The following ADGRL2 variants were observed in gnomAD, a reference collection of about 807,000 sequenced individuals.
The protein encoded by ADGRL2 is calcium-independent alpha-latrotoxin receptor 2.
Under a neutral mutation model 157.4 loss-of-function variants are expected in ADGRL2, and 44 were observed. The ratio of observed to expected loss-of-function variants is 0.28; its 90% CI spans 0.22 to 0.36. The LOEUF is 0.36. Ranked by LOEUF, ADGRL2 falls within the 10% of genes least tolerant of loss-of-function variation. The pLI is 1.00. For missense variants in ADGRL2, 1,510 were observed against 1,768.9 expected (o/e 0.85, Z 2.63); for synonymous variants, 585 against 624.7 (o/e 0.94, Z 0.95).
upstream of ADGRL2, among the ~76,000 whole-genome samples, chr1:81,799,322 A>G (rs532499302): frequency 8.5e-5 from 13 of 152,350 alleles, no homozygotes; most frequent in South Asian, 2.5e-3. Flanking sequence ...TAAAGCACCA[A>G]TGCTCTAAGT....
intron 2 of ADGRL2, among the ~76,000 whole-genome samples, chr1:81,446,351 G>GC (rs1425138931): frequency 6.6e-6 from 1 of 152,116 alleles, no homozygotes; most frequent in Non-Finnish European, 1.5e-5. Flanking sequence ...AAAACAAAAA[G>GC]CCTTTCAGGG....
intron 1 of ADGRL2, among the ~76,000 whole-genome samples, chr1:81,346,410 C>T (rs1013441752): frequency 6.6e-6 from 1 of 152,086 alleles, no homozygotes; most frequent in Middle Eastern, 3.2e-3. Flanking sequence ...TCAGTATAGT[C>T]CACATCCCAA....
chr1:81,969,943 C>T (rs1380104166), intron 15 of ADGRL2, among the ~76,000 whole-genome samples: 2 of 152,078 alleles, frequency 1.3e-5, no homozygotes, highest in Admixed American at 1.3e-4. Context: ...TTGCAAACAA[C>T]ACTTTTAAAG....
At chr1:81,721,403 ACAACCGAC>A (rs1242794107) in intron 1 of ADGRL2, among the ~76,000 whole-genome samples, 7 of 152,104 alleles carry the variant, frequency 4.6e-5, no homozygotes, top group Admixed American at 4.6e-4. Context: ...ATATATCCAA[ACAACCGAC>A]CCAAATTGAT....
intron 1 of ADGRL2, among the ~76,000 whole-genome samples, chr1:81,315,044 T>C (rs1471201867): frequency 2.0e-5 from 3 of 152,218 alleles, no homozygotes; most frequent in Non-Finnish European, 4.4e-5. Context: ...TCAGCCTTAA[T>C]ATAAATGTCT....
chr1:81,552,626 A>G (rs1021889248), intron 2 of ADGRL2, among the ~76,000 whole-genome samples: 3 of 131,188 alleles, frequency 2.3e-5, no homozygotes, highest in African/African-American at 8.6e-5. Flanking sequence ...AAAAAAAAAC[A>G]GAAAAGAAAG....
At chr1:81,413,812 GTATAT>G (rs573655021) in intron 1 of ADGRL2, among the ~76,000 whole-genome samples, 29 of 152,206 alleles carry the variant, frequency 1.9e-4, no homozygotes, top group Non-Finnish European at 3.5e-4. Context: ...ATCTATCTCT[GTATAT>G]ACACACATAC....
chr1:81,636,162 G>A (rs149648439), intron 3 of ADGRL2, among the ~76,000 whole-genome samples: 117 of 152,156 alleles, frequency 7.7e-4, no homozygotes, highest in Admixed American at 2.0e-4. Context: ...CTGGCTGCTC[G>A]GTGTTACATC....
intron 3 of ADGRL2, chr1:81,596,375 C>A: frequency 2.0e-6 from 1 of 506,378 alleles, no homozygotes. Context: ...GATTCTTTTC[C>A]TTTCCTCCTC....
chr1:81,849,492 A>G (rs2092921741), intron 2 of ADGRL2, among the ~76,000 whole-genome samples: 2 of 151,916 alleles, frequency 1.3e-5, no homozygotes, highest in South Asian at 4.1e-4. Flanking sequence ...AGGGATTTGT[A>G]GCTAAGGCAA....
chr1:81,542,670 T>C (rs1386095462), intron 2 of ADGRL2, among the ~76,000 whole-genome samples: 1 of 152,180 alleles, frequency 6.6e-6, no homozygotes, highest in Non-Finnish European at 1.5e-5. Context: ...AATCTAAGAA[T>C]ACAGTGGCTA....
intron 2 of ADGRL2, among the ~76,000 whole-genome samples, chr1:81,778,313 C>A (rs1419946660): frequency 2.7e-5 from 3 of 111,590 alleles, no homozygotes; most frequent in Non-Finnish European, 5.3e-5. Flanking sequence ...CAGAGCGAGA[C>A]TCCGTCTCAA....
intron 1 of ADGRL2, among the ~76,000 whole-genome samples, chr1:81,384,587 C>A (rs1442657899): frequency 6.6e-6 from 1 of 152,030 alleles, no homozygotes; most frequent in East Asian, 1.9e-4. Flanking sequence ...CGTAAAATAA[C>A]AGGTTTATAA....
chr1:81,579,733 C>A (rs923544962), intron 2 of ADGRL2, among the ~76,000 whole-genome samples: 1 of 151,660 alleles, frequency 6.6e-6, no homozygotes, highest in Non-Finnish European at 1.5e-5. Context: ...ATTTTTTTAC[C>A]TATATATAGG....
At chr1:81,982,684 T>G (rs3790879) in intron 19 of ADGRL2, among the ~76,000 whole-genome samples, 15,856 of 151,956 alleles carry the variant, frequency 0.1, 840 homozygotes, top group South Asian at 0.16. Context: ...AATAGAATTG[T>G]GGAAGTGAAA....
chr1:81,722,207 G>C, intron 1 of ADGRL2: 1 of 374,428 alleles, frequency 2.7e-6, no homozygotes, highest in East Asian at 6.7e-5. Flanking sequence ...GCAGGAGAAT[G>C]GCATGAACCC....
chr1:81,349,539 G>C (rs536051415), intron 1 of ADGRL2, among the ~76,000 whole-genome samples: 3 of 151,960 alleles, frequency 2.0e-5, no homozygotes, highest in Middle Eastern at 3.4e-3. Context: ...ACTCTTTAAA[G>C]AAGTTTTTTC....
intron 3 of ADGRL2, among the ~76,000 whole-genome samples, chr1:81,674,355 G>C (rs912089155): frequency 2.6e-5 from 4 of 152,158 alleles, no homozygotes; most frequent in Admixed American, 6.6e-5. Context: ...TCTAATGCAC[G>C]TAGAACACTT....
chr1:81,412,401 T>A (rs936836677), intron 1 of ADGRL2, among the ~76,000 whole-genome samples: 11 of 152,374 alleles, frequency 7.2e-5, no homozygotes, highest in Middle Eastern at 3.4e-3. Flanking sequence ...GCTTTTTGTC[T>A]AGAATTATCT....
Sources: allele counts gnomAD v4.1 joint callset (sites outside exome capture counted in the v4.1 genomes callset), GRCh38; gene constraint gnomAD v4.1.1; transcripts MANE v1.5; gene names NCBI Gene and HGNC (gene_info 2026-07-23, HGNC 2026-07-21).